The following ATG14 variants were observed in gnomAD, a reference collection of about 807,000 sequenced individuals.
ATG14 encodes the protein beclin 1-associated autophagy-related key regulator.
In ATG14, 35 loss-of-function variants were observed where a neutral mutation model predicts 60.4. The observed-to-expected ratio is 0.58, with a 90% confidence interval of 0.44 to 0.77. The LOEUF (loss-of-function observed/expected upper bound fraction) is 0.77. Among genes scored for constraint, ATG14 ranks in the 30% least tolerant of loss-of-function variants. The pLI is 0.00. For synonymous variants in ATG14, 234 were observed against 228.8 expected (o/e 1.02, Z -0.21); for missense variants, 647 against 626.3 (o/e 1.03, Z -0.35).
At chr14:55,372,778 A>G (rs947994915) in intron 9 of ATG14, among the ~76,000 whole-genome samples, 6 of 151,476 alleles carry the variant, frequency 4.0e-5, no homozygotes, top group Non-Finnish European at 5.9e-5. Context: ...GCCTTCTCCA[A>G]TCCTGGGGTC....
At chr14:55,374,340 C>T (rs1279979200) in intron 9 of ATG14, among the ~76,000 whole-genome samples, 1 of 152,142 alleles carries the variant, frequency 6.6e-6, no homozygotes, top group East Asian at 1.9e-4. Context: ...TGACTACTTA[C>T]ATTTCTTGTG....
chr14:55,403,537 T>C (rs1371266922), intron 1 of ATG14, among the ~76,000 whole-genome samples: 2 of 152,114 alleles, frequency 1.3e-5, no homozygotes, highest in Admixed American at 1.3e-4. Context: ...GATAGTCATA[T>C]ATAATCTTTT....
At chr14:55,391,471 T>TAAAAAAAAAAA (rs746307684) in intron 3 of ATG14, among the ~76,000 whole-genome samples, 17 of 75,672 alleles carry the variant, frequency 2.2e-4, no homozygotes, top group Non-Finnish European at 3.9e-4. Flanking sequence ...TGAGACTCCA[T>TAAAAAAAAAAA]AAAAAAAAAA....
Position 55,367,395 on chromosome 14 carries a change from C to T in ATG14, c.*2224G>A, listed in dbSNP as rs1027229150. On this transcript the variant is annotated 3_prime_UTR_variant, in exon 10 of 10. Coordinates refer to ENST00000247178, the MANE Select transcript of ATG14 (RefSeq NM_014924.5). ...AGAACTGGATGGGAAAATGGAAGCCCAGCAATCAATCATGAAGCTGAGCAC... is the reference window on the plus strand; with the variant it reads ...AGAACTGGATGGGAAAATGGAAGCCTAGCAATCAATCATGAAGCTGAGCAC... The T allele has an allele frequency of 6.6e-6, 1 of 152,188 alleles. No homozygotes were observed. Among genetic ancestry groups the T allele is most frequent in the African/African-American group, 2.4e-5 (1 of 41,428 alleles). 9.4% of individuals were successfully genotyped at this position (152,188 alleles called of 1,614,324 possible).
At chr14:55,397,618 A>G (rs2140145732) in intron 1 of ATG14, among the ~76,000 whole-genome samples, 184 bp from the exon 2 acceptor site, 1 of 152,324 alleles carries the variant, frequency 6.6e-6, no homozygotes, top group East Asian at 1.9e-4. Flanking sequence ...TTTAAAACTA[A>G]GCTCAAATCC....
At chr14:55,402,926 A>AAATATATATATAT (rs1566585634) in intron 1 of ATG14, among the ~76,000 whole-genome samples, 1 of 16,398 alleles carries the variant, frequency 6.1e-5, no homozygotes, top group Non-Finnish European at 1.1e-4. Context: ...AAAAAAAAAA[A>AAATATATATATAT]ATATATATAT....
Position 55,377,809 on chromosome 14 carries a change from A to G in ATG14, c.1172+10T>C. 1 of 1,552,962 alleles carries G rather than the reference A, an allele frequency of 6.4e-7. No homozygotes were observed. Among genetic ancestry groups the G allele is most frequent in the Non-Finnish European group, 8.7e-7 (1 of 1,149,658 alleles). ...AAACACTTAGAGAAAAGCAACAAAT[A>G]TCTTCTTACCTGCCTAGGTGTTCAG... On this transcript the variant is annotated intron_variant, in intron 9 of 9. Transcript: ENST00000247178.
Position 55,389,835 on chromosome 14 carries a change from G to A in ATG14, c.409+1076C>T, listed in dbSNP as rs191284798. On this transcript the variant is annotated intron_variant, in intron 4 of 9. Coordinates refer to ENST00000247178, the MANE Select transcript of ATG14 (RefSeq NM_014924.5). ...GAAACGAGTATTCTTGGGGCAAATGGGAAGTGGCTTAAGGATGTAGGACTT... is the reference window on the plus strand; with the variant it reads ...GAAACGAGTATTCTTGGGGCAAATGAGAAGTGGCTTAAGGATGTAGGACTT... Among the ~76,000 whole-genome samples the A allele has an allele frequency of 3.9e-3, 589 of 152,282 alleles. 4 individuals carry two copies. The highest frequency in any genetic ancestry group is 0.014 in the Middle Eastern group (4 of 294).
At chr14:55,390,672 C>T (rs764594375) in intron 4 of ATG14, among the ~76,000 whole-genome samples, 12 of 152,142 alleles carry the variant, frequency 7.9e-5, no homozygotes, top group African/African-American at 4.8e-5. Flanking sequence ...CGCCTGGCGC[C>T]TAACTTTTTT....
chr14:55,394,920 A>C (rs1594782693), intron 3 of ATG14: 1 of 378,038 alleles, frequency 2.6e-6, no homozygotes, highest in African/African-American at 2.1e-5. Flanking sequence ...TGTACCAAAA[A>C]GTAAACAACC....
intron 1 of ATG14, among the ~76,000 whole-genome samples, chr14:55,399,109 A>G (rs1314830508): frequency 2.0e-5 from 3 of 152,230 alleles, no homozygotes; most frequent in Non-Finnish European, 4.4e-5. Flanking sequence ...ACATACCCCA[A>G]GATGTCTGCT....
At chr14:55,387,519 T>C (rs1885145243) in intron 4 of ATG14, among the ~76,000 whole-genome samples, 1 of 152,164 alleles carries the variant, frequency 6.6e-6, no homozygotes, top group African/African-American at 2.4e-5. Context: ...TAGCTCTTGG[T>C]TCCTCAGATG....
At chr14:55,384,017 A>G (rs1437876663) in intron 5 of ATG14, among the ~76,000 whole-genome samples, 1 of 152,088 alleles carries the variant, frequency 6.6e-6, no homozygotes, top group African/African-American at 2.4e-5. Flanking sequence ...GCCACAACAT[A>G]CGTATAAGAT....
Position 55,402,850 on chromosome 14 carries a change from G to A in ATG14, c.222-5416C>T, listed in dbSNP as rs1217441847. 3.1e-5 allele frequency among the ~76,000 whole-genome samples: 3 copies of A among 96,666 alleles called. No individual in the cohort carries two copies. In the Admixed American group the frequency reaches 3.8e-4, roughly 12 times the overall value. The allele number at this position is 96,666 out of a possible 152,430, so 63.4% of individuals were successfully genotyped here. A position where few individuals can be genotyped will look rare whatever the true frequency, so the allele number is the denominator to read the frequency against. ...CTGAGGCAGGAATATTATTTGAATC[G>A]AGTTCAAGACCAGCCTGGCAACATA... On this transcript the variant is annotated intron_variant, in intron 1 of 9. Coordinates refer to ENST00000247178, the MANE Select transcript of ATG14 (RefSeq NM_014924.5).
intron 1 of ATG14, among the ~76,000 whole-genome samples, chr14:55,398,658 A>T (rs1470070909): frequency 1.3e-5 from 2 of 152,126 alleles, no homozygotes; most frequent in Non-Finnish European, 2.9e-5. Flanking sequence ...TTGTAACCTG[A>T]GACTGTCTTA....
At chr14:55,376,013 A>G (rs1884913557) in intron 9 of ATG14, among the ~76,000 whole-genome samples, 1 of 152,218 alleles carries the variant, frequency 6.6e-6, no homozygotes, top group African/African-American at 2.4e-5. Context: ...TCTCTTTGGC[A>G]TCTATCAGGT....
chr14:55,384,839 G>A (rs989097473), intron 5 of ATG14, among the ~76,000 whole-genome samples: 4 of 152,224 alleles, frequency 2.6e-5, no homozygotes, highest in Non-Finnish European at 4.4e-5. Flanking sequence ...GCCTTCGGTA[G>A]TAGTTTCCAA....
At chr14:55,392,789 T>C (rs955252238) in intron 3 of ATG14, among the ~76,000 whole-genome samples, 18 of 152,170 alleles carry the variant, frequency 1.2e-4, no homozygotes, top group Admixed American at 3.9e-4. Flanking sequence ...AGTAGTCTGA[T>C]GGTAAGAGAC....
At chr14:55,409,125 C>T (rs1023257087) in intron 1 of ATG14, among the ~76,000 whole-genome samples, 8 of 152,118 alleles carry the variant, frequency 5.3e-5, no homozygotes, top group African/African-American at 1.9e-4. Context: ...AACTAAAACT[C>T]GGATAGATTC....
Sources: allele counts gnomAD v4.1 joint callset (sites outside exome capture counted in the v4.1 genomes callset), GRCh38; gene constraint gnomAD v4.1.1; transcripts MANE v1.5; gene names NCBI Gene and HGNC (gene_info 2026-07-23, HGNC 2026-07-21).